Variants in FRK observed in about 807,000 individuals in gnomAD.
FRK encodes fyn related Src family tyrosine kinase, also known as tyrosine-protein kinase FRK.
A neutral mutation model predicts 56.4 loss-of-function variants in FRK; 51 were observed. The ratio of observed to expected loss-of-function variants is 0.90; its 90% CI spans 0.72 to 1.14. FRK has a LOEUF of 1.14. Ranked by LOEUF, FRK falls within the 50% of genes most tolerant of loss-of-function variation. FRK has a pLI of 0.00. For missense variants in FRK, 570 were observed against 601.4 expected (o/e 0.95, Z 0.55); for synonymous variants, 245 against 217.9 (o/e 1.12, Z -1.10).
chr6:116,018,515 C>T (rs544666973), intron 1 of FRK, among the ~76,000 whole-genome samples: 1 of 152,196 alleles, frequency 6.6e-6, no homozygotes, highest in Admixed American at 6.6e-5. Flanking sequence ...TTAAATAATT[C>T]AGTTTATTAA....
At chr6:116,072,856 T>C in the FRK span, among the ~76,000 whole-genome samples, 1 of 152,018 alleles carries the variant, frequency 6.6e-6, no homozygotes, top group Non-Finnish European at 1.5e-5. Context: ...AAGAAAAACA[T>C]CCAAAGAAAT....
intron 1 of FRK, among the ~76,000 whole-genome samples, chr6:116,010,649 A>G (rs571236047): frequency 3.4e-4 from 52 of 152,338 alleles, no homozygotes; most frequent in African/African-American, 1.2e-3. Flanking sequence ...GAGTGACAGC[A>G]TCTCATTAGG....
intron 2 of FRK, among the ~76,000 whole-genome samples, chr6:115,977,654 A>G (rs941477735): frequency 3.3e-5 from 5 of 152,186 alleles, no homozygotes; most frequent in Admixed American, 3.3e-4. Context: ...AGGTTACTTT[A>G]TAGTTAGAGG....
intron 2 of FRK, 134 bp downstream of exon 2, chr6:116,003,743 T>C (rs1396482713): frequency 9.3e-6 from 8 of 859,510 alleles, no homozygotes; most frequent in Admixed American, 2.5e-5. Context: ...TTAAGTAGTT[T>C]AGTATTAATT....
chr6:115,953,543 G>C (rs1772870930), intron 5 of FRK, among the ~76,000 whole-genome samples: 1 of 152,170 alleles, frequency 6.6e-6, no homozygotes, highest in Non-Finnish European at 1.5e-5. Context: ...GCTATCTGCA[G>C]TGAGCATTTG....
chr6:116,012,650 C>T (rs2114716114), intron 1 of FRK, among the ~76,000 whole-genome samples: 1 of 152,340 alleles, frequency 6.6e-6, no homozygotes, highest in African/African-American at 2.4e-5. Flanking sequence ...AACATTAATA[C>T]ATTGTACTTC....
At chr6:115,980,342 GA>G (rs1218049833) in intron 2 of FRK, among the ~76,000 whole-genome samples, 1 of 150,032 alleles carries the variant, frequency 6.7e-6, no homozygotes, top group Non-Finnish European at 1.5e-5. Flanking sequence ...CTAGCAGCAA[GA>G]AAAATATGTA....
chr6:116,058,783 C>G (rs1241029499), intron 1 of FRK, among the ~76,000 whole-genome samples: 1 of 151,852 alleles, frequency 6.6e-6, no homozygotes, highest in African/African-American at 2.4e-5. Flanking sequence ...TGGTGGCAGG[C>G]GCCTGTAGTC....
chr6:116,001,858 C>A (rs1276973398), intron 2 of FRK, among the ~76,000 whole-genome samples: 1 of 151,764 alleles, frequency 6.6e-6, no homozygotes, highest in African/African-American at 2.4e-5. Context: ...ACAAAACATA[C>A]ACACACACAC....
At chr6:116,018,986 A>G (rs983544369) in intron 1 of FRK, among the ~76,000 whole-genome samples, 2 of 152,158 alleles carry the variant, frequency 1.3e-5, no homozygotes, top group Admixed American at 6.6e-5. Flanking sequence ...AAGGTGAATG[A>G]TAATAGATTC....
At chr6:116,050,917 C>T (rs944856043) in intron 1 of FRK, among the ~76,000 whole-genome samples, 16 of 152,288 alleles carry the variant, frequency 1.1e-4, no homozygotes, top group African/African-American at 3.6e-4. Context: ...CTAGCAGTGA[C>T]TTTGCAGGCA....
At chr6:116,001,856 T>TACAC (rs3049956) in intron 2 of FRK, among the ~76,000 whole-genome samples, 85 of 151,698 alleles carry the variant, frequency 5.6e-4, no homozygotes, top group African/African-American at 1.8e-3. Flanking sequence ...TTACAAAACA[T>TACAC]ACACACACAC....
chr6:115,962,368 C>T (rs1003073631), intron 4 of FRK, among the ~76,000 whole-genome samples: 79 of 150,682 alleles, frequency 5.2e-4, no homozygotes, highest in Middle Eastern at 3.4e-3. Flanking sequence ...TTTATGCACC[C>T]AATACAGGAG....
At chr6:115,960,103 C>A (rs1010651452) in intron 4 of FRK, among the ~76,000 whole-genome samples, 11 of 151,970 alleles carry the variant, frequency 7.2e-5, no homozygotes, top group Admixed American at 1.3e-4. Context: ...ACGCAGAAGA[C>A]GGGTGATTTC....
chr6:116,062,249 G>T (rs139522854), upstream of FRK, among the ~76,000 whole-genome samples: 492 of 152,008 alleles, frequency 3.2e-3, 4 homozygotes, highest in African/African-American at 0.011. Flanking sequence ...TGTTGCTGTT[G>T]TTGTTTTGTT....
chr6:116,043,672 A>G (rs1776818816), intron 1 of FRK, among the ~76,000 whole-genome samples: 1 of 152,182 alleles, frequency 6.6e-6, no homozygotes, highest in Admixed American at 6.5e-5. Flanking sequence ...ATTGCAATTA[A>G]AAGTATTAGA....
At chr6:116,033,260 A>G (rs1375401052) in intron 1 of FRK, among the ~76,000 whole-genome samples, 1 of 152,188 alleles carries the variant, frequency 6.6e-6, no homozygotes, top group Non-Finnish European at 1.5e-5. Context: ...CATTACCACA[A>G]TATCAATAGA....
At chr6:116,080,523 AATGT>A in the FRK span, among the ~76,000 whole-genome samples, 3 of 152,210 alleles carry the variant, frequency 2.0e-5, no homozygotes, top group African/African-American at 7.2e-5. Context: ...CCTACGCAAA[AATGT>A]TAAACTTCTA....
Position 115,960,213 on chromosome 6 carries a change from C to T in FRK, c.800-3603G>A, listed in dbSNP as rs537805380. Reference sequence around the variant, plus strand: ...GCACCGTGCGCGAGCCGAAGCAGGGCGAGGCATTGCCTCACCTGGGAAGCG... The same window carrying T: ...GCACCGTGCGCGAGCCGAAGCAGGGTGAGGCATTGCCTCACCTGGGAAGCG... On this transcript the variant is annotated intron_variant, in intron 4 of 7. Transcript: ENST00000606080. Among the ~76,000 whole-genome samples the T allele has an allele frequency of 6.0e-5, 9 of 150,940 alleles. No homozygotes were observed. The East Asian group carries it at 1.6e-3, about 27-fold the overall frequency.
Sources: gnomAD v4.1 joint callset for allele counts (sites outside exome capture counted in the v4.1 genomes callset) on GRCh38, gnomAD v4.1.1 for gene constraint, MANE v1.5 for transcripts, NCBI Gene and HGNC (gene_info 2026-07-23, HGNC 2026-07-21) for gene names.